PGLYRP1: variants seen among roughly 807,000 people sequenced by gnomAD.
PGLYRP1 encodes TNF superfamily, member 3 (LTB)-like (peptidoglycan recognition protein).
In PGLYRP1, 18 loss-of-function variants were observed where a neutral mutation model predicts 16.3. The ratio of observed to expected loss-of-function variants is 1.11; its 90% CI spans 0.77 to 1.64. PGLYRP1 has a LOEUF of 1.64. Ranked by LOEUF, PGLYRP1 falls within the 40% of genes most tolerant of loss-of-function variation. The pLI is 0.00. For synonymous variants in PGLYRP1, 89 were observed against 105.7 expected, an observed-to-expected ratio of 0.84 and a Z score of 0.97; for missense variants, 261 against 268.6, an observed-to-expected ratio of 0.97 and a Z score of 0.20.
At position 46,022,825 on chromosome 19, in the gene PGLYRP1, C is replaced by T. The variant is rs769224295; in HGVS notation, c.197G>A (p.Ser66Asn). The change falls in exon 1 of 3, where the codon AGC (serine) becomes AAC (asparagine). Residue 66 changes from serine to asparagine, a missense_variant. Ser to Asn is a conservative substitution (Grantham distance 46). Transcript: ENST00000008938. The stretch of plus-strand genomic sequence containing the variant: ...CTGGCACGAGGCGGGGGTGTTGCAG[C>T]TGCTGCCCGCCGTGTGCGATACCAC... The part of the protein sequence containing the change: ...YVVVSHTAGS[S>N]CNTPASCQQQ... 12 of 1,613,640 alleles carry T rather than the reference C, an allele frequency of 7.4e-6. No homozygotes were observed. In the Admixed American group the frequency reaches 2.0e-4, roughly 27 times the overall value.
chr19:46,019,700 G>T lies in PGLYRP1; in HGVS notation c.288-53C>A. ...GAGTGAGGGAGGGTTTCCCGAGGAG[G>T]ACTCCTCCTCCTTCCTCCACTCACC... On this transcript the variant is annotated intron_variant, in intron 1 of 2. Coordinates refer to ENST00000008938, the MANE Select transcript of PGLYRP1 (RefSeq NM_005091.3). The surrounding 1 kb of genome is among the most constrained non-coding windows in gnomAD (Gnocchi z 4.8). The T allele has an allele frequency of 2.5e-6, 4 of 1,576,654 alleles. No individual in the cohort carries two copies. The highest frequency in any genetic ancestry group is 3.4e-6 in the Non-Finnish European group (4 of 1,163,002).
chr19:46,019,449 G>A lies in PGLYRP1; in HGVS notation c.410-30C>T. On this transcript the variant is annotated intron_variant, in intron 2 of 2. Coordinates refer to ENST00000008938, the MANE Select transcript of PGLYRP1 (RefSeq NM_005091.3). The surrounding 1 kb of genome is among the most constrained non-coding windows in gnomAD (Gnocchi z 4.8). ...AGGAGGCAGAGGTAGGAGTCAGGCA[G>A]GGGCTTCCCCGAAGGGGAAGTGATA... 1 of 1,612,300 alleles carries A rather than the reference G, an allele frequency of 6.2e-7. No individual in the cohort carries two copies. The highest frequency in any genetic ancestry group is 1.7e-4 in the Middle Eastern group (1 of 6,056).
chr19:46,020,208 A>C (rs1428358821), intron 1 of PGLYRP1, among the ~76,000 whole-genome samples: 1 of 151,166 alleles, frequency 6.6e-6, no homozygotes. Context: ...TCCTGGGTTC[A>C]AGTGATTCTC....
chr19:46,021,071 C>T (rs1279779429), intron 1 of PGLYRP1: 1 of 152,256 alleles, frequency 6.6e-6, no homozygotes, highest in Non-Finnish European at 1.5e-5. Context: ...AGTCAGAAGC[C>T]CCATTTACAG....
In PGLYRP1 at chr19:46,019,351, C is replaced by A; in HGVS notation, c.478G>T (p.Ala160Ser). ...GLLACGVAQG[A>S]LRSNYVLKGH... ...TTGAGCACATAGTTGGACCTCAGGG[C>A]TCCCTGAGCCACACCGCAGGCCAGT... Residue 160 changes from alanine to serine, a missense_variant, in exon 3 of 3, where the codon GCC becomes TCC. Coordinates refer to ENST00000008938, the MANE Select transcript of PGLYRP1 (RefSeq NM_005091.3). This position sits in a 1 kb window ranked among gnomAD's most constrained non-coding sequence, Gnocchi z 4.8. 1 of 1,613,786 alleles carries A rather than the reference C, an allele frequency of 6.2e-7. No homozygotes were observed. Among genetic ancestry groups the A allele is most frequent in the South Asian group, 1.1e-5 (1 of 91,068 alleles).
At position 46,022,991 on chromosome 19, in the gene PGLYRP1, C is replaced by G. The variant is rs748686840; in HGVS notation, c.31G>C (p.Ala11Pro). Reference protein sequence around the residue: MSRRSMLLAWALPSLLRLGAA... With the variant: MSRRSMLLAWPLPSLLRLGAA... ...CCGAGTCGAAGGAGGCTGGGGAGAGCCCAGGCAAGCAGCATAGAGCGGCGG... is the reference window on the plus strand; with the variant it reads ...CCGAGTCGAAGGAGGCTGGGGAGAGGCCAGGCAAGCAGCATAGAGCGGCGG... Residue 11 changes from alanine to proline, a missense_variant, in exon 1 of 3, where the codon GCT (alanine) becomes CCT (proline). By Grantham distance (27) the Ala-to-Pro change is conservative. Transcript: ENST00000008938. 2 of 1,589,120 alleles carry G rather than the reference C, an allele frequency of 1.3e-6. No homozygotes were observed. The highest frequency in any genetic ancestry group is 2.3e-5 in the South Asian group (2 of 87,168).
chr19:46,019,734 G>A lies in PGLYRP1; in HGVS notation c.288-87C>T, dbSNP rs150661949. ...TCCTTCCTCCACTCACCCTGCCTCC[G>A]TTACTGCCGTGGTGCACACAACTTC... is the stretch of plus-strand genomic sequence containing the variant. On this transcript the variant is annotated intron_variant, in intron 1 of 2. Coordinates refer to ENST00000008938, the MANE Select transcript of PGLYRP1 (RefSeq NM_005091.3). The surrounding 1 kb of genome is among the most constrained non-coding windows in gnomAD (Gnocchi z 4.8). 45 of 1,399,426 alleles carry A rather than the reference G, an allele frequency of 3.2e-5. No individual in the cohort carries two copies. The Middle Eastern group carries it at 1.2e-3, about 37-fold the overall frequency. The allele number at this position is 1,399,426 out of a possible 1,614,324, so 86.7% of individuals were successfully genotyped here.
intron 1 of PGLYRP1, among the ~76,000 whole-genome samples, chr19:46,022,414 G>A (rs568380082): frequency 6.6e-6 from 1 of 152,256 alleles, no homozygotes; most frequent in Non-Finnish European, 1.5e-5. Flanking sequence ...AAGGCACCAG[G>A]CATCAGGAAG....
At chr19:46,020,026 GCT>G (rs1415475699) in intron 1 of PGLYRP1, among the ~76,000 whole-genome samples, 1 of 151,502 alleles carries the variant, frequency 6.6e-6, no homozygotes, top group Non-Finnish European at 1.5e-5. Flanking sequence ...CTTGTGCGTT[GCT>G]CTCTCCTGCC....
Position 46,020,727 on chromosome 19 carries a change from A to G in PGLYRP1, c.288-1080T>C, listed in dbSNP as rs529413438. Among the ~76,000 whole-genome samples the G allele has an allele frequency of 3.9e-5, 6 of 152,374 alleles. No individual in the cohort carries two copies. In the South Asian group the frequency reaches 1.2e-3, roughly 32 times the overall value. The stretch of plus-strand genomic sequence containing the variant: ...GCAAATGGGAATGAACTAGAAGATC[A>G]GTGCCTTGGAGCTGCAGTATGTGCC... On this transcript the variant is annotated intron_variant, in intron 1 of 2. Coordinates refer to ENST00000008938, the MANE Select transcript of PGLYRP1 (RefSeq NM_005091.3).
intron 1 of PGLYRP1, among the ~76,000 whole-genome samples, chr19:46,022,023 C>T (rs1969049840): frequency 6.6e-6 from 1 of 152,004 alleles, no homozygotes; most frequent in Non-Finnish European, 1.5e-5. Context: ...CACCCTCCCT[C>T]ACCTCTTTCC....
chr19:46,019,918 A>G lies in PGLYRP1; in HGVS notation c.288-271T>C, dbSNP rs546560123. Reference sequence around the variant, plus strand: ...TATCACCCCCGTTTTATATAGACAGAATCAGAGCGGTAGAATCACCTGCCC... The same window carrying G: ...TATCACCCCCGTTTTATATAGACAGGATCAGAGCGGTAGAATCACCTGCCC... On this transcript the variant is annotated intron_variant, in intron 1 of 2. Coordinates refer to ENST00000008938, the MANE Select transcript of PGLYRP1 (RefSeq NM_005091.3). The surrounding 1 kb of genome is among the most constrained non-coding windows in gnomAD (Gnocchi z 4.8). 6.6e-6 allele frequency among the ~76,000 whole-genome samples: 1 copy of G among 152,220 alleles called. No homozygotes were observed. The highest frequency in any genetic ancestry group is 1.9e-4 in the East Asian group (1 of 5,166).
rs779626621 is a variant in PGLYRP1, at chr19:46,022,914, C to G, written c.108G>C (p.Arg36=). The G allele has an allele frequency of 1.9e-6, 3 of 1,612,116 alleles. No homozygotes were observed. Among genetic ancestry groups the G allele is most frequent in the Non-Finnish European group, 2.5e-6 (3 of 1,179,254 alleles). Residue 36 remains arginine (R), a synonymous_variant, in exon 1 of 3, where the codon CGG becomes CGC. Coordinates refer to ENST00000008938, the MANE Select transcript of PGLYRP1 (RefSeq NM_005091.3). ...CTGATGCCAGGGCCTTCCACTCGTT[C>G]CGGGGCACTATGGGGCTGCAGCAGG... The part of the protein sequence containing the change: ...DPACCSPIVP[R]NEWKALASEC...
At chr19:46,022,439 G>C (rs986392716) in intron 1 of PGLYRP1, among the ~76,000 whole-genome samples, 2 of 152,388 alleles carry the variant, frequency 1.3e-5, no homozygotes, top group South Asian at 4.1e-4. Flanking sequence ...GCCTTCATAA[G>C]GCGTCGCGGA....
rs767093290 is a variant in PGLYRP1 at position 46,023,051 on chromosome 19, GC to G, written c.-31del. ...GCAGGGCGGCAGGGTCCGGGAGACCGCTAGGAGCGCCCGGTGGAGGGGCCGC... is the reference window on the plus strand; with the variant it reads ...GCAGGGCGGCAGGGTCCGGGAGACCGTAGGAGCGCCCGGTGGAGGGGCCGC... On this transcript the variant is annotated 5_prime_UTR_variant, in exon 1 of 3. Coordinates refer to ENST00000008938, the MANE Select transcript of PGLYRP1 (RefSeq NM_005091.3). 102 of 1,480,994 alleles carry G rather than the reference GC, an allele frequency of 6.9e-5. No homozygotes were observed. In the Middle Eastern group the frequency reaches 2.0e-3, roughly 29 times the overall value. The allele number at this position is 1,480,994 out of a possible 1,614,324, so 91.7% of individuals were successfully genotyped here.
Position 46,022,946 on chromosome 19 carries a change from C to T in PGLYRP1, c.76G>A (p.Asp26Asn). The change falls in exon 1 of 3, where the codon GAC (aspartate) becomes AAC (asparagine). Residue 26 changes from aspartate (D) to asparagine (N), a missense_variant. Coordinates refer to ENST00000008938, the MANE Select transcript of PGLYRP1 (RefSeq NM_005091.3). ...ACTATGGGGCTGCAGCAGGCCGGGT[C>T]TTCTGTCTCCTGAGCCGCTCCGAGT... ...LRLGAAQETEDPACCSPIVPR... is the reference protein window; with the variant it reads ...LRLGAAQETENPACCSPIVPR... 1 of 1,609,212 alleles carries T rather than the reference C, an allele frequency of 6.2e-7. No homozygotes were observed. The highest frequency in any genetic ancestry group is 8.5e-7 in the Non-Finnish European group (1 of 1,177,910).
Position 46,019,778 on chromosome 19 carries a change from C to T in PGLYRP1, c.288-131G>A, listed in dbSNP as rs540196826. The T allele has an allele frequency of 2.6e-5, 24 of 928,628 alleles. No individual in the cohort carries two copies. In the East Asian group the frequency reaches 5.0e-4, roughly 19 times the overall value. 57.5% of individuals were successfully genotyped at this position (928,628 alleles called of 1,614,324 possible). Reference sequence around the variant, plus strand: ...CAACTTCCCCAGCATCCTTCTCACCCGTTAATTTCCCACGATAGTAACAAT... The same window carrying T: ...CAACTTCCCCAGCATCCTTCTCACCTGTTAATTTCCCACGATAGTAACAAT... On this transcript the variant is annotated intron_variant, in intron 1 of 2. Transcript: ENST00000008938. The surrounding 1 kb of genome is among the most constrained non-coding windows in gnomAD (Gnocchi z 4.8).
Position 46,019,667 on chromosome 19 carries a change from G to A in PGLYRP1, c.288-20C>T, listed in dbSNP as rs775787475. On this transcript the variant is annotated intron_variant, in intron 1 of 2. Coordinates refer to ENST00000008938, the MANE Select transcript of PGLYRP1 (RefSeq NM_005091.3). This position sits in a 1 kb window ranked among gnomAD's most constrained non-coding sequence, Gnocchi z 4.8. ...AGGAAGCTGCATGGGGAGGTGGGGG[G>A]GCTTGATGAGTGAGGGAGGGTTTCC... The A allele has an allele frequency of 3.1e-6, 5 of 1,608,472 alleles. No individual in the cohort carries two copies. The highest frequency in any genetic ancestry group is 4.2e-6 in the Non-Finnish European group (5 of 1,178,476).
chr19:46,021,520 G>T (rs893515799), intron 1 of PGLYRP1, among the ~76,000 whole-genome samples: 12 of 152,164 alleles, frequency 7.9e-5, no homozygotes, highest in Non-Finnish European at 1.2e-4. Context: ...AGAGCCTGCA[G>T]GATTGAAAGT....
Sources: gnomAD v4.1 joint callset for allele counts (sites outside exome capture counted in the v4.1 genomes callset) on GRCh38, gnomAD v4.1.1 for gene constraint, Gnocchi (gnomAD v3.1) non-coding constraint, MANE v1.5 for transcripts, NCBI Gene and HGNC (gene_info 2026-07-23, HGNC 2026-07-21) for gene names.